Variants in ATG7 observed in about 807,000 individuals in gnomAD.
The protein encoded by ATG7 is autophagy related 7.
Under a neutral mutation model 82.4 loss-of-function variants are expected in ATG7, and 70 were observed. The ratio of observed to expected loss-of-function variants is 0.85; its 90% CI spans 0.70 to 1.04. ATG7 has a LOEUF of 1.04. ATG7 is among the 50% of genes least tolerant of loss of function. ATG7 has a pLI of 0.00. For missense variants in ATG7, 792 were observed against 864.3 expected, an observed-to-expected ratio of 0.92 and a Z score of 1.05; for synonymous variants, 287 against 313.0, an observed-to-expected ratio of 0.92 and a Z score of 0.88.
At chr3:11,392,378 A>G (rs1465083534) in intron 19 of ATG7, among the ~76,000 whole-genome samples, 2 of 152,044 alleles carry the variant, frequency 1.3e-5, no homozygotes, top group South Asian at 4.2e-4. Flanking sequence ...TTTCTCCCAT[A>G]TATTCCCTTG....
chr3:11,558,141 C>T (rs888183731), downstream of ATG7: 9 of 229,968 alleles, frequency 3.9e-5, no homozygotes, highest in African/African-American at 1.8e-4. Flanking sequence ...CCAAACACGC[C>T]GTGGAAGCTG....
intron 1 of ATG7, among the ~76,000 whole-genome samples, chr3:11,274,162 CCACAG>C (rs1941179630): frequency 6.6e-6 from 1 of 152,158 alleles, no homozygotes; most frequent in South Asian, 2.1e-4. Flanking sequence ...CATTACTCAA[CCACAG>C]GTTCCGTTTT....
Position 11,393,326 on chromosome 3 carries a change from T to A in ATG7, c.1956+13274T>A, listed in dbSNP as rs76118811. Among the ~76,000 whole-genome samples the A allele has an allele frequency of 8.2e-3, 1,254 of 152,264 alleles. 33 individuals carry two copies. In the East Asian group the frequency reaches 0.086, roughly 10 times the overall value. ...AGATTTCAAAGCTGTAGCTGATGCTTTTGTAATAGCCACACCTGGGGTATG... is the reference window on the plus strand; with the variant it reads ...AGATTTCAAAGCTGTAGCTGATGCTATTGTAATAGCCACACCTGGGGTATG... On this transcript the variant is annotated intron_variant, in intron 19 of 20. Coordinates refer to ENST00000693202, the MANE Select transcript of ATG7 (RefSeq NM_001349232.2).
chr3:11,374,203 A>C (rs2077226167), intron 18 of ATG7, among the ~76,000 whole-genome samples: 1 of 152,242 alleles, frequency 6.6e-6, no homozygotes, highest in Non-Finnish European at 1.5e-5. Context: ...TTCCAGTTTC[A>C]AACTTAGTAC....
chr3:11,325,600 G>T (rs1247617969), intron 9 of ATG7, among the ~76,000 whole-genome samples: 1 of 152,076 alleles, frequency 6.6e-6, no homozygotes, highest in Non-Finnish European at 1.5e-5. Context: ...GAACCCAGGA[G>T]GTGGAGGTTA....
At chr3:11,393,836 A>G (rs1003258457) in intron 19 of ATG7, among the ~76,000 whole-genome samples, 1 of 152,148 alleles carries the variant, frequency 6.6e-6, no homozygotes, top group Non-Finnish European at 1.5e-5. Context: ...GCATGCCACC[A>G]CACCAGGCTA....
the ATG7 span, among the ~76,000 whole-genome samples, chr3:11,573,381 AAGAAAGAAAG>A: frequency 2.0e-5 from 3 of 148,084 alleles, no homozygotes; most frequent in Non-Finnish European, 3.0e-5. Flanking sequence ...GAAAGAAAGA[AAGAAAGAAAG>A]AAAGAAAATG....
intron 11 of ATG7, among the ~76,000 whole-genome samples, chr3:11,335,106 G>A (rs1176635180): frequency 6.6e-6 from 1 of 152,146 alleles, no homozygotes; most frequent in East Asian, 1.9e-4. Flanking sequence ...GATTGACAGA[G>A]TACTTCTGCT....
intron 14 of ATG7, among the ~76,000 whole-genome samples, chr3:11,356,328 A>G (rs1051707665): frequency 6.6e-6 from 1 of 152,204 alleles, no homozygotes; most frequent in Admixed American, 6.5e-5. Flanking sequence ...ACACCTTTGA[A>G]TCATCAGGGG....
chr3:11,519,539 GTTTT>G (rs574523805), intron 20 of ATG7, among the ~76,000 whole-genome samples: 86 of 62,184 alleles, frequency 1.4e-3, no homozygotes, highest in African/African-American at 4.1e-3. Context: ...AGTGAGAGGA[GTTTT>G]TTTTTTTTTT....
chr3:11,430,283 A>G lies in ATG7; in HGVS notation c.2079+3357A>G, dbSNP rs1051646355. Among the ~76,000 whole-genome samples the G allele has an allele frequency of 3.9e-5, 6 of 152,178 alleles. 1 individual carries two copies. The highest frequency in any genetic ancestry group is 4.4e-5 in the Non-Finnish European group (3 of 68,038). On this transcript the variant is annotated intron_variant, in intron 20 of 20. Transcript: ENST00000693202. Reference sequence around the variant, plus strand: ...TACATCATTTTCTATTACTTTGAAAAATGTGTGTATGCGCATATAAGCAAA... The same window carrying G: ...TACATCATTTTCTATTACTTTGAAAGATGTGTGTATGCGCATATAAGCAAA...
the ATG7 span, among the ~76,000 whole-genome samples, chr3:11,575,126 C>A: frequency 6.6e-6 from 1 of 152,194 alleles, no homozygotes; most frequent in African/African-American, 2.4e-5. Flanking sequence ...CTGCCTGGGG[C>A]CATGTGGCTG....
At chr3:11,360,490 A>G (rs891600476) in intron 15 of ATG7, 91 bp from the exon 16 acceptor site, 5 of 1,329,558 alleles carry the variant, frequency 3.8e-6, no homozygotes, top group African/African-American at 1.5e-5. Context: ...GCAAAAAATA[A>G]ATTTTAAAAA....
intron 20 of ATG7, among the ~76,000 whole-genome samples, chr3:11,444,385 A>G (rs951570023): frequency 1.3e-5 from 2 of 152,304 alleles, no homozygotes; most frequent in Middle Eastern, 3.4e-3. Context: ...AATACTAAAG[A>G]ATAGGGTTTG....
At chr3:11,561,370 A>C (rs995448098), downstream of ATG7, among the ~76,000 whole-genome samples, 1 of 152,154 alleles carries the variant, frequency 6.6e-6, no homozygotes, top group Non-Finnish European at 1.5e-5. Context: ...AGGCTGGCTG[A>C]CTGGTATCAG....
intron 16 of ATG7, among the ~76,000 whole-genome samples, chr3:11,361,961 C>G (rs1253812571): frequency 6.6e-6 from 1 of 152,194 alleles, no homozygotes; most frequent in Admixed American, 6.5e-5. Context: ...TAACTCATAT[C>G]TCTTTTGGAT....
At chr3:11,405,325 TTA>T (rs919578953) in intron 19 of ATG7, among the ~76,000 whole-genome samples, 5 of 152,112 alleles carry the variant, frequency 3.3e-5, no homozygotes, top group African/African-American at 9.7e-5. Context: ...TTCACTGTGA[TTA>T]TGTGTTACTG....
chr3:11,493,314 A>G (rs367575200), intron 20 of ATG7, among the ~76,000 whole-genome samples: 2 of 152,214 alleles, frequency 1.3e-5, no homozygotes, highest in East Asian at 3.9e-4. Context: ...CCTCTCCCCA[A>G]CATCCAGCTG....
chr3:11,343,912 G>A (rs888674095), intron 13 of ATG7, among the ~76,000 whole-genome samples: 1 of 152,118 alleles, frequency 6.6e-6, no homozygotes, highest in Non-Finnish European at 1.5e-5. Flanking sequence ...AGGGATTGAT[G>A]TATTTTTATG....
Sources: gnomAD v4.1 joint callset for allele counts (sites outside exome capture counted in the v4.1 genomes callset) on GRCh38, gnomAD v4.1.1 for gene constraint, MANE v1.5 for transcripts, NCBI Gene and HGNC (gene_info 2026-07-23, HGNC 2026-07-21) for gene names.